Variants in CALCR observed in about 807,000 individuals in gnomAD.
CALCR encodes calcitonin receptor.
CALCR carries 47 observed loss-of-function variants against 59.5 expected under a neutral mutation model. That is an observed-to-expected ratio of 0.79 (90% CI 0.63 to 1.01). The LOEUF (loss-of-function observed/expected upper bound fraction) is 1.01, where lower values mean the gene tolerates loss of function less well. CALCR is among the 50% of genes least tolerant of loss of function. The pLI is 0.00. For synonymous variants in CALCR, 213 were observed against 211.3 expected (o/e 1.01, Z -0.07); for missense variants, 566 against 597.1 (o/e 0.95, Z 0.54).
intron 2 of CALCR, among the ~76,000 whole-genome samples, chr7:93,539,608 T>C (rs1789078412): frequency 6.6e-6 from 1 of 152,122 alleles, no homozygotes; most frequent in Non-Finnish European, 1.5e-5. Context: ...ATCAGGCATG[T>C]ATGACCTAGG....
At chr7:93,434,386 G>C in intron 12 of CALCR, 92 bp from the exon 13 acceptor site, 1 of 584,454 alleles carries the variant, frequency 1.7e-6, no homozygotes, top group Non-Finnish European at 2.8e-6. Flanking sequence ...GAGAAGGCCT[G>C]ATGAAAAAAA....
intron 2 of CALCR, among the ~76,000 whole-genome samples, chr7:93,526,383 T>G (rs1057511112): frequency 3.3e-5 from 5 of 151,920 alleles, no homozygotes; most frequent in African/African-American, 1.2e-4. Flanking sequence ...TCTAGAATAG[T>G]ATAGCAAAGA....
At chr7:93,516,856 TTAA>T (rs1361630063) in intron 2 of CALCR, among the ~76,000 whole-genome samples, 2 of 151,850 alleles carry the variant, frequency 1.3e-5, no homozygotes, top group Non-Finnish European at 2.9e-5. Flanking sequence ...TGCATCACTC[TTAA>T]ATTATCGCGG....
chr7:93,530,070 C>G (rs1477493350), intron 2 of CALCR, among the ~76,000 whole-genome samples: 1 of 151,984 alleles, frequency 6.6e-6, no homozygotes, highest in African/African-American at 2.4e-5. Flanking sequence ...GGTATTTTGA[C>G]TATTATTTTT....
intron 2 of CALCR, among the ~76,000 whole-genome samples, chr7:93,498,575 C>A (rs1157835904): frequency 6.6e-6 from 1 of 151,510 alleles, no homozygotes; most frequent in African/African-American, 2.4e-5. Context: ...ATACATCATG[C>A]ATTTATTAGA....
At chr7:93,432,762 AT>A (rs1799684483) in intron 13 of CALCR, among the ~76,000 whole-genome samples, 1 of 152,128 alleles carries the variant, frequency 6.6e-6, no homozygotes, top group Admixed American at 6.5e-5. Flanking sequence ...TATTAGCTCT[AT>A]TTTGATATTA....
intron 2 of CALCR, among the ~76,000 whole-genome samples, chr7:93,550,552 T>C (rs1165731949): frequency 6.8e-6 from 1 of 147,080 alleles, no homozygotes; most frequent in Non-Finnish European, 1.5e-5. Context: ...ACTTCAGTAT[T>C]TTTAGAATTC....
At chr7:93,464,268 A>G (rs1008650192) in intron 7 of CALCR, among the ~76,000 whole-genome samples, 1 of 151,970 alleles carries the variant, frequency 6.6e-6, no homozygotes, top group African/African-American at 2.4e-5. Flanking sequence ...AAACAGCAGT[A>G]TTTTCTCCTG....
intron 2 of CALCR, among the ~76,000 whole-genome samples, chr7:93,563,337 C>A (rs1789789440): frequency 6.6e-6 from 1 of 152,092 alleles, no homozygotes; most frequent in Non-Finnish European, 1.5e-5. Flanking sequence ...TCATTAAAAC[C>A]ATACATACCA....
At chr7:93,432,861 G>T (rs1348947888) in intron 13 of CALCR, among the ~76,000 whole-genome samples, 1 of 152,138 alleles carries the variant, frequency 6.6e-6, no homozygotes, top group African/African-American at 2.4e-5. Flanking sequence ...TAAACACGGG[G>T]TGACTTACGC....
chr7:93,427,859 A>G (rs1333496511), intron 13 of CALCR, among the ~76,000 whole-genome samples: 2 of 152,100 alleles, frequency 1.3e-5, no homozygotes, highest in Non-Finnish European at 2.9e-5. Flanking sequence ...ATGATTCCTC[A>G]AAAAGCAACT....
intron 2 of CALCR, among the ~76,000 whole-genome samples, chr7:93,564,583 G>C (rs968576555): frequency 2.6e-5 from 4 of 152,002 alleles, no homozygotes; most frequent in Non-Finnish European, 5.9e-5. Context: ...CTCCCAAGTA[G>C]CTGGGATTAC....
chr7:93,443,047 C>T (rs1039482971), intron 9 of CALCR, among the ~76,000 whole-genome samples: 1 of 152,026 alleles, frequency 6.6e-6, no homozygotes, highest in Admixed American at 6.6e-5. Context: ...CAGCCCTAAG[C>T]TTTCCCGAGC....
chr7:93,431,440 C>A (rs541771893), intron 13 of CALCR, among the ~76,000 whole-genome samples: 1 of 152,094 alleles, frequency 6.6e-6, no homozygotes, highest in African/African-American at 2.4e-5. Context: ...CCAGGCTCCT[C>A]GGGTGGCTTG....
chr7:93,479,979 A>G (rs1179584688), intron 3 of CALCR, among the ~76,000 whole-genome samples: 1 of 151,904 alleles, frequency 6.6e-6, no homozygotes. Context: ...TGCTGTGTAC[A>G]CTGCCAGAAA....
At chr7:93,465,552 G>T (rs1800422660) in intron 7 of CALCR, among the ~76,000 whole-genome samples, 1 of 151,850 alleles carries the variant, frequency 6.6e-6, no homozygotes, top group African/African-American at 2.4e-5. Flanking sequence ...ATATCATCTT[G>T]ACTATTATTC....
At chr7:93,459,922 T>C (rs537945815) in intron 8 of CALCR, among the ~76,000 whole-genome samples, 2 of 152,326 alleles carry the variant, frequency 1.3e-5, no homozygotes, top group South Asian at 4.1e-4. Flanking sequence ...CAATTGTGCA[T>C]GTGGGCATGA....
Position 93,479,484 on chromosome 7 carries a change from G to A in CALCR, c.75C>T (p.Ala25=). The A allele has an allele frequency of 6.2e-7, 1 of 1,612,220 alleles. No homozygotes were observed. The highest frequency in any genetic ancestry group is 8.5e-7 in the Non-Finnish European group (1 of 1,178,926). The part of the protein sequence containing the change: ...LLNHPTPILP[A]FSNQTYPTIE... ...TTGTTGGATAGGTTTGATTTGAAAA[G>A]GCAGGAAGAATTGGGGTTGGGTGCT... The change falls in exon 4 of 14, where the codon GCC becomes GCT. Residue 25 remains alanine (A), a synonymous_variant. Transcript: ENST00000426151.
At chr7:93,484,122 C>G (rs539398731) in intron 3 of CALCR, 1 of 333,258 alleles carries the variant, frequency 3.0e-6, no homozygotes, top group African/African-American at 2.1e-5. Context: ...TCTGGAAATT[C>G]AGCAGTGAAC....
Sources: allele counts gnomAD v4.1 joint callset (sites outside exome capture counted in the v4.1 genomes callset), GRCh38; gene constraint gnomAD v4.1.1; transcripts MANE v1.5; gene names NCBI Gene and HGNC (gene_info 2026-07-23, HGNC 2026-07-21).